SP4: variants seen among roughly 807,000 people sequenced by gnomAD.
The protein encoded by SP4 is transcription factor Sp4.
A neutral mutation model predicts 72.8 loss-of-function variants in SP4; 19 were observed. That is an observed-to-expected ratio of 0.26 (90% CI 0.18 to 0.38). SP4 has a LOEUF of 0.38. SP4 is among the 10% of genes least tolerant of loss of function. The probability of loss-of-function intolerance (pLI) is 1.00; values close to 1 mark genes in which losing one functional copy is unlikely to be tolerated. For synonymous variants in SP4, 395 were observed against 333.1 expected, an observed-to-expected ratio of 1.19 and a Z score of -2.02; for missense variants, 1,008 against 926.3, an observed-to-expected ratio of 1.09 and a Z score of -1.14.
intron 5 of SP4, among the ~76,000 whole-genome samples, chr7:21,485,527 A>G (rs1324946691): frequency 6.6e-6 from 1 of 151,998 alleles, no homozygotes; most frequent in Non-Finnish European, 1.5e-5. Flanking sequence ...TCTAAATCAT[A>G]TACTTAAACA....
At chr7:21,469,888 T>C (rs918324492) in intron 3 of SP4, among the ~76,000 whole-genome samples, 14 of 150,822 alleles carry the variant, frequency 9.3e-5, no homozygotes, top group African/African-American at 3.4e-4. Context: ...ATAATACTCT[T>C]TTCAAAAAAA....
At chr7:21,469,982 T>C (rs1271726481) in intron 3 of SP4, among the ~76,000 whole-genome samples, 1 of 152,114 alleles carries the variant, frequency 6.6e-6, no homozygotes, top group Non-Finnish European at 1.5e-5. Flanking sequence ...AGAACCAAGG[T>C]TGAGAGTTAT....
At chr7:21,445,575 G>T (rs1783395803) in intron 3 of SP4, among the ~76,000 whole-genome samples, 1 of 152,134 alleles carries the variant, frequency 6.6e-6, no homozygotes, top group Admixed American at 6.5e-5. Flanking sequence ...TTTATTCATG[G>T]AGACTATACT....
intron 5 of SP4, among the ~76,000 whole-genome samples, chr7:21,489,576 T>TTTTC (rs1784918513): frequency 3.9e-4 from 55 of 140,674 alleles, no homozygotes; most frequent in Non-Finnish European, 2.0e-4. Context: ...TTTTTTTTTT[T>TTTTC]TGAGATGGAG....
chr7:21,491,037 C>G (rs1784964683), intron 5 of SP4, among the ~76,000 whole-genome samples: 10 of 152,132 alleles, frequency 6.6e-5, no homozygotes, highest in Admixed American at 5.9e-4. Context: ...ATACTATGAG[C>G]CACGTAAAGC....
At chr7:21,494,221 G>A (rs1785051363) in intron 5 of SP4, among the ~76,000 whole-genome samples, 1 of 152,136 alleles carries the variant, frequency 6.6e-6, no homozygotes, top group African/African-American at 2.4e-5. Context: ...GTGGAATCAG[G>A]AACAAGGTAA....
chr7:21,495,433 A>G (rs573947678), intron 5 of SP4, among the ~76,000 whole-genome samples: 52 of 150,126 alleles, frequency 3.5e-4, no homozygotes, highest in African/African-American at 1.2e-3. Flanking sequence ...AAATGAGCAA[A>G]GGATTTGACA....
intron 5 of SP4, among the ~76,000 whole-genome samples, chr7:21,504,728 G>A (rs138145200): frequency 1.3e-3 from 191 of 152,288 alleles, no homozygotes; most frequent in Non-Finnish European, 2.3e-3. Flanking sequence ...TATGAAGAAC[G>A]TGTTCAAACT....
intron 5 of SP4, among the ~76,000 whole-genome samples, chr7:21,499,960 A>G (rs1258393879): frequency 6.6e-6 from 1 of 152,204 alleles, no homozygotes; most frequent in Non-Finnish European, 1.5e-5. Context: ...ATCCATTCCA[A>G]TCTATCATTC....
At chr7:21,471,192 C>A in intron 3 of SP4, 1 of 523,908 alleles carries the variant, frequency 1.9e-6, no homozygotes, top group South Asian at 1.4e-5. Flanking sequence ...TCATGAAGAA[C>A]TTTATGTACT....
At chr7:21,453,723 A>G (rs761050206) in intron 3 of SP4, among the ~76,000 whole-genome samples, 10 of 152,076 alleles carry the variant, frequency 6.6e-5, no homozygotes, top group Non-Finnish European at 1.2e-4. Flanking sequence ...ACCCTTTACA[A>G]TTTTTTTGTT....
Position 21,513,139 on chromosome 7 carries a change from C to T in SP4, c.*1870C>T, listed in dbSNP as rs1418719479. ...AAAAGTACTAATGCGAATTCTCTTC[C>T]AAAATTGTGATGTTTCTTGTATTTT... On this transcript the variant is annotated 3_prime_UTR_variant, in exon 6 of 6. Coordinates refer to ENST00000222584, the MANE Select transcript of SP4 (RefSeq NM_003112.5). 4.6e-5 allele frequency: 7 copies of T among 152,474 alleles called. No homozygotes were observed. In the East Asian group the frequency reaches 1.3e-3, roughly 29 times the overall value. 9.4% of individuals were successfully genotyped at this position (152,474 alleles called of 1,614,324 possible).
chr7:21,455,485 G>A (rs534832004), intron 3 of SP4, among the ~76,000 whole-genome samples: 26 of 152,196 alleles, frequency 1.7e-4, no homozygotes, highest in Admixed American at 3.3e-4. Context: ...AAAAGAAAGC[G>A]TCCCCTCTTA....
chr7:21,441,425 C>T (rs1487100651), intron 3 of SP4, among the ~76,000 whole-genome samples: 1 of 152,162 alleles, frequency 6.6e-6, no homozygotes, highest in African/African-American at 2.4e-5. Context: ...AACCAAACAG[C>T]CTTCCACTCC....
At position 21,430,465 on chromosome 7, in the gene SP4, C is replaced by G; in HGVS notation, c.1300C>G (p.Gln434Glu). The change falls in exon 3 of 6, where the codon CAG becomes GAG. Residue 434 changes from glutamine (Q) to glutamate (E), a missense_variant. Gln to Glu is a conservative substitution (Grantham distance 29). Coordinates refer to ENST00000222584, the MANE Select transcript of SP4 (RefSeq NM_003112.5). Reference sequence around the variant, plus strand: ...TCAACTCCAGTCAGGGCAGACGATTCAGACCATCCAGCAGCAGCCTTTACA... The same window carrying G: ...TCAACTCCAGTCAGGGCAGACGATTGAGACCATCCAGCAGCAGCCTTTACA... ...SFQLQSGQTI[Q>E]TIQQQPLQNV... The G allele has an allele frequency of 6.2e-7, 1 of 1,614,122 alleles. No homozygotes were observed. Among genetic ancestry groups the G allele is most frequent in the Non-Finnish European group, 8.5e-7 (1 of 1,179,980 alleles).
chr7:21,453,448 T>C (rs901008077), intron 3 of SP4, among the ~76,000 whole-genome samples: 1 of 152,238 alleles, frequency 6.6e-6, no homozygotes, highest in Admixed American at 6.5e-5. Context: ...TTAGCCTCTG[T>C]GGCATGCAAT....
At chr7:21,450,989 C>T (rs551257761) in intron 3 of SP4, among the ~76,000 whole-genome samples, 6 of 152,182 alleles carry the variant, frequency 3.9e-5, no homozygotes, top group Non-Finnish European at 7.3e-5. Context: ...TGACCTTTGA[C>T]TTGGGGTCTT....
Position 21,428,121 on chromosome 7 carries a change from G to T in SP4, c.-131G>T. On this transcript the variant is annotated 5_prime_UTR_variant, in exon 1 of 6. Transcript: ENST00000222584. ...GGCCATTCGCGGAAAAAGAGGCAGA[G>T]CCTGTGCCAGCTACAGCCTCCTCCG... The T allele has an allele frequency of 7.1e-6, 5 of 709,008 alleles. No individual in the cohort carries two copies. Among genetic ancestry groups the T allele is most frequent in the South Asian group, 1.5e-5 (1 of 66,706 alleles). The allele number at this position is 709,008 out of a possible 1,614,324, so 43.9% of individuals were successfully genotyped here.
chr7:21,450,564 G>T (rs1783558214), intron 3 of SP4, among the ~76,000 whole-genome samples: 1 of 152,138 alleles, frequency 6.6e-6, no homozygotes, highest in Non-Finnish European at 1.5e-5. Flanking sequence ...AGCCACTTGT[G>T]ATAGTTCTCC....
Sources: gnomAD v4.1 joint callset for allele counts (sites outside exome capture counted in the v4.1 genomes callset) on GRCh38, gnomAD v4.1.1 for gene constraint, MANE v1.5 for transcripts, NCBI Gene and HGNC (gene_info 2026-07-23, HGNC 2026-07-21) for gene names.